The following RARB variants were observed in gnomAD, a reference collection of about 807,000 sequenced individuals.
RARB encodes retinoic acid receptor beta.
In RARB, 17 loss-of-function variants were observed where a neutral mutation model predicts 51.9. That is an observed-to-expected ratio of 0.33 (90% CI 0.22 to 0.49). RARB has a LOEUF of 0.49. RARB is among the 20% of genes least tolerant of loss of function. RARB has a pLI of 0.99. For synonymous variants in RARB, 215 were observed against 195.4 expected (o/e 1.10, Z -0.84); for missense variants, 369 against 550.8 (o/e 0.67, Z 3.30).
chr3:25,405,292 G>A (rs968276961), intron 5 of RARB, among the ~76,000 whole-genome samples: 1 of 152,218 alleles, frequency 6.6e-6, no homozygotes, highest in Non-Finnish European at 1.5e-5. Context: ...GCTGTGGAAG[G>A]AGGATTGCTT....
At chr3:25,155,971 A>C (rs2125343652) in intron 4 of RARB, among the ~76,000 whole-genome samples, 1 of 152,314 alleles carries the variant, frequency 6.6e-6, no homozygotes, top group East Asian at 1.9e-4. Flanking sequence ...TTGCCAACAC[A>C]GGAGGCCTTA....
chr3:24,902,591 G>A (rs926530980), intron 2 of RARB, among the ~76,000 whole-genome samples: 24 of 152,238 alleles, frequency 1.6e-4, no homozygotes, highest in African/African-American at 4.1e-4. Flanking sequence ...ACAGTGAACC[G>A]AGGATGATGA....
chr3:25,107,814 TCA>T (rs1699534854), intron 3 of RARB, among the ~76,000 whole-genome samples: 1 of 152,238 alleles, frequency 6.6e-6, no homozygotes, highest in African/African-American at 2.4e-5. Flanking sequence ...AAATTTTTTC[TCA>T]CAATTTCGTG....
chr3:25,159,971 C>T (rs543398105), intron 4 of RARB, among the ~76,000 whole-genome samples: 1 of 152,250 alleles, frequency 6.6e-6, no homozygotes, highest in Admixed American at 6.5e-5. Flanking sequence ...CTCTTGAAAA[C>T]CACAGGCTAA....
intron 5 of RARB, among the ~76,000 whole-genome samples, chr3:25,206,065 G>A (rs756699645): frequency 3.3e-5 from 5 of 152,130 alleles, no homozygotes; most frequent in South Asian, 2.1e-4. Context: ...TGTTTTTGAC[G>A]TATGATATTT....
chr3:25,070,242 C>T (rs1056256294), intron 3 of RARB, among the ~76,000 whole-genome samples: 1 of 152,198 alleles, frequency 6.6e-6, no homozygotes, highest in African/African-American at 2.4e-5. Context: ...GCCCACCCTA[C>T]TCCAGTGTTA....
chr3:25,125,167 T>C (rs1355015714), intron 3 of RARB, among the ~76,000 whole-genome samples: 1 of 152,174 alleles, frequency 6.6e-6, no homozygotes, highest in Non-Finnish European at 1.5e-5. Context: ...CACATACTGT[T>C]GCCAAGTGAA....
At chr3:25,111,335 A>T (rs1699597057) in intron 3 of RARB, among the ~76,000 whole-genome samples, 1 of 152,168 alleles carries the variant, frequency 6.6e-6, no homozygotes, top group Non-Finnish European at 1.5e-5. Context: ...GTTCTCTGCC[A>T]TCTTGACCAC....
At chr3:25,335,911 C>G (rs929654945) in intron 5 of RARB, among the ~76,000 whole-genome samples, 1 of 152,096 alleles carries the variant, frequency 6.6e-6, no homozygotes, top group Non-Finnish European at 1.5e-5. Flanking sequence ...CATACATAAA[C>G]TTTCAAAGTC....
intron 2 of RARB, among the ~76,000 whole-genome samples, chr3:25,049,192 T>G (rs1048004280): frequency 6.6e-6 from 1 of 152,162 alleles, no homozygotes; most frequent in Non-Finnish European, 1.5e-5. Context: ...AGTGAGACAT[T>G]TTAGGGATGC....
intron 2 of RARB, among the ~76,000 whole-genome samples, chr3:24,938,074 G>A (rs1364502922): frequency 1.3e-5 from 2 of 152,256 alleles, no homozygotes; most frequent in Non-Finnish European, 1.5e-5. Flanking sequence ...TTGCATGGTG[G>A]TGGTGGTGAT....
chr3:24,933,307 A>G (rs1695480554), intron 2 of RARB, among the ~76,000 whole-genome samples: 1 of 152,072 alleles, frequency 6.6e-6, no homozygotes, highest in Non-Finnish European at 1.5e-5. Flanking sequence ...ATCTTCATGA[A>G]AATACTTGAA....
At chr3:25,024,812 G>C (rs1405618678) in intron 2 of RARB, among the ~76,000 whole-genome samples, 2 of 151,992 alleles carry the variant, frequency 1.3e-5, no homozygotes, top group Non-Finnish European at 2.9e-5. Context: ...AATTGGCTGG[G>C]CGTGGTGACA....
chr3:25,461,091 T>C (rs1695156144), intron 1 of RARB, 102 bp from the exon 2 acceptor site: 2 of 1,336,346 alleles, frequency 1.5e-6, no homozygotes, highest in Non-Finnish European at 2.0e-6. Flanking sequence ...GCTAGTGTTA[T>C]TGCTGAATTT....
intron 3 of RARB, among the ~76,000 whole-genome samples, chr3:25,122,624 G>T (rs963746334): frequency 7.2e-5 from 11 of 152,118 alleles, no homozygotes; most frequent in African/African-American, 2.7e-4. Flanking sequence ...CTGGTACTCT[G>T]ATATCACTTT....
chr3:25,225,270 G>C (rs1208418442), intron 5 of RARB, among the ~76,000 whole-genome samples: 2 of 151,674 alleles, frequency 1.3e-5, no homozygotes, highest in African/African-American at 4.8e-5. Flanking sequence ...AATTAAAGAA[G>C]ACTTCAAGAA....
intron 5 of RARB, among the ~76,000 whole-genome samples, chr3:25,297,201 A>G (rs1703934435): frequency 6.6e-6 from 1 of 152,288 alleles, no homozygotes; most frequent in East Asian, 1.9e-4. Context: ...TGCTTTCATC[A>G]TATTCTCAAA....
chr3:25,241,951 C>A (rs958491791), intron 5 of RARB, among the ~76,000 whole-genome samples: 8 of 152,198 alleles, frequency 5.3e-5, no homozygotes, highest in Non-Finnish European at 1.0e-4. Context: ...TTTCCTATTT[C>A]TCCACATCCT....
chr3:24,919,377 C>G (rs6775359), intron 2 of RARB, among the ~76,000 whole-genome samples: 54,156 of 151,998 alleles, frequency 0.36, 11,565 homozygotes, highest in African/African-American at 0.61. Flanking sequence ...AACCGAAATG[C>G]AGGTGCGAAC....
Sources: gnomAD v4.1 joint callset for allele counts (sites outside exome capture counted in the v4.1 genomes callset) on GRCh38, gnomAD v4.1.1 for gene constraint, MANE v1.5 for transcripts, NCBI Gene and HGNC (gene_info 2026-07-23, HGNC 2026-07-21) for gene names.